The following FHOD1 variants were observed in gnomAD, a reference collection of about 807,000 sequenced individuals.
The protein encoded by FHOD1 is FH1/FH2 domain-containing protein 1.
A neutral mutation model predicts 111.6 loss-of-function variants in FHOD1; 89 were observed. That is an observed-to-expected ratio of 0.80 (90% confidence interval 0.67 to 0.95). FHOD1 has a LOEUF of 0.95. Ranked by LOEUF, FHOD1 falls within the 40% of genes least tolerant of loss-of-function variation. The pLI, the probability that FHOD1 is intolerant of heterozygous loss-of-function variation, is 0.00. For synonymous variants in FHOD1, 618 were observed against 639.0 expected (o/e 0.97, Z 0.50); for missense variants, 1,446 against 1,554.2 (o/e 0.93, Z 1.17).
At chr16:67,242,351 G>A (rs895379083) in intron 1 of FHOD1, among the ~76,000 whole-genome samples, 9 of 152,294 alleles carry the variant, frequency 5.9e-5, no homozygotes, top group Middle Eastern at 3.4e-3. Context: ...GAGGTCCAGG[G>A]AAACAGGTAG....
chr16:67,237,600 G>A lies in FHOD1; in HGVS notation c.755-31C>T, dbSNP rs755610504. On this transcript the variant is annotated intron_variant, in intron 7 of 21. Coordinates refer to ENST00000258201, the MANE Select transcript of FHOD1 (RefSeq NM_013241.3). This position sits in a 1 kb window ranked among gnomAD's most constrained non-coding sequence, Gnocchi z 5.6. Reference sequence around the variant, plus strand: ...ACACAGAAAGTGGAGCAGTCATGGGGGAACAGGTAGGAGAGAGGGCTCTGA... The same window carrying A: ...ACACAGAAAGTGGAGCAGTCATGGGAGAACAGGTAGGAGAGAGGGCTCTGA... 39 of 1,613,368 alleles carry A rather than the reference G, an allele frequency of 2.4e-5. 1 individual carries two copies. The highest frequency in any genetic ancestry group is 3.1e-5 in the Non-Finnish European group (37 of 1,179,358).
Position 67,231,427 on chromosome 16 carries a change from C to T in FHOD1, c.2505+3G>A, listed in dbSNP as rs2034266360. On this transcript the variant is annotated splice_donor_region_variant and intron_variant, in intron 16 of 21. Coordinates refer to ENST00000258201, the MANE Select transcript of FHOD1 (RefSeq NM_013241.3). The surrounding 1 kb of genome is among the most constrained non-coding windows in gnomAD (Gnocchi z 4.3). ...CCCCTAGTCCCCATGTACTCTCACT[C>T]ACCTGGGAGCCATTGAGGAAGTTGC... 12 of 1,614,058 alleles carry T rather than the reference C, an allele frequency of 7.4e-6. No individual in the cohort carries two copies. The highest frequency in any genetic ancestry group is 1.3e-5 in the African/African-American group (1 of 74,932).
Position 67,238,306 on chromosome 16 carries a change from T to G in FHOD1, c.443A>C (p.Glu148Ala). Reference protein sequence around the residue: ...SLFSLKQIFQEDKDLVPEFVH... With the variant: ...SLFSLKQIFQADKDLVPEFVH... ...AAATTCAGGCACCAGGTCTTTGTCC[T>G]CCTAGAGGCACCATGGGGGAGTTTA... The change falls in exon 5 of 22, where the codon GAG (glutamate) becomes GCG (alanine). Residue 148 changes from glutamate to alanine, a missense_variant and splice_region_variant. Glu to Ala is a moderately radical substitution (Grantham distance 107, BLOSUM62 -1). Transcript: ENST00000258201. The surrounding 1 kb of genome is among the most constrained non-coding windows in gnomAD (Gnocchi z 4.2). The G allele has an allele frequency of 6.2e-7, 1 of 1,614,082 alleles. No individual in the cohort carries two copies. The highest frequency in any genetic ancestry group is 8.5e-7 in the Non-Finnish European group (1 of 1,179,996).
chr16:67,229,512 C>A lies in FHOD1; in HGVS notation c.*124G>T. The A allele has an allele frequency of 1.2e-6, 1 of 832,662 alleles. No homozygotes were observed. The highest frequency in any genetic ancestry group is 2.1e-6 in the Non-Finnish European group (1 of 486,572). The allele number at this position is 832,662 out of a possible 1,614,324, so 51.6% of individuals were successfully genotyped here. On this transcript the variant is annotated 3_prime_UTR_variant, in exon 22 of 22. Transcript: ENST00000258201. Reference sequence around the variant, plus strand: ...CACATGCATACACACACGGCTAATACTGCTCAAGGCATGGCTCCTGGGCAC... The same window carrying A: ...CACATGCATACACACACGGCTAATAATGCTCAAGGCATGGCTCCTGGGCAC...
intron 2 of FHOD1, 115 bp downstream of exon 2, chr16:67,239,233 G>T (rs754626324): frequency 2.0e-5 from 17 of 860,264 alleles, no homozygotes; most frequent in Non-Finnish European, 3.3e-5. Flanking sequence ...CTTCCCTGGG[G>T]CAGGAGGTGA....
Position 67,236,546 on chromosome 16 carries a change from TCC to T in FHOD1, c.1319+9_1319+10del, listed in dbSNP as rs1298426930. ...AGAGGACTCCAGGGTGGCCTCTGTC[TCC>T]CTACTTACTTGTAGATGCTCCTCTC... On this transcript the variant is annotated intron_variant, in intron 11 of 21. Coordinates refer to ENST00000258201, the MANE Select transcript of FHOD1 (RefSeq NM_013241.3). 1.2e-6 allele frequency: 2 copies of T among 1,610,698 alleles called. No homozygotes were observed. Among genetic ancestry groups the T allele is most frequent in the Non-Finnish European group, 1.7e-6 (2 of 1,178,562 alleles).
chr16:67,232,334 G>A (rs2034311405), intron 13 of FHOD1, 140 bp from the exon 14 acceptor site: 12 of 730,416 alleles, frequency 1.6e-5, no homozygotes, highest in Non-Finnish European at 2.6e-5. Context: ...TGGCTAACAT[G>A]GTGAAACCCC....
rs778117155 is a variant in FHOD1, at chr16:67,238,988, T to A, written c.309-21A>T. ...CTTTGCTGGAATCAAGGATCTCTGT[T>A]AGCAGCTCCCAGCCTATCCCTCAGC... On this transcript the variant is annotated intron_variant, in intron 2 of 21. Transcript: ENST00000258201. This position sits in a 1 kb window ranked among gnomAD's most constrained non-coding sequence, Gnocchi z 4.2. The A allele has an allele frequency of 6.2e-7, 1 of 1,613,052 alleles. No homozygotes were observed. The highest frequency in any genetic ancestry group is 1.1e-5 in the South Asian group (1 of 91,064).
chr16:67,234,089 C>A lies in FHOD1; in HGVS notation c.1614G>T (p.Arg538Ser), dbSNP rs772681218. 6.2e-7 allele frequency: 1 copy of A among 1,604,206 alleles called. No individual in the cohort carries two copies. Among genetic ancestry groups the A allele is most frequent in the Admixed American group, 1.7e-5 (1 of 59,590 alleles). Residue 538 changes from arginine (R) to serine (S), a missense_variant, in exon 13 of 22, where the codon AGG (arginine) becomes AGT (serine). Physicochemically the swap from Arg to Ser is moderately radical, Grantham distance 110 (BLOSUM62 -1). This residue lies in a region of FHOD1 where 1,085 missense variants were observed against 1,108.8 expected (regional missense o/e 0.98). Coordinates refer to ENST00000258201, the MANE Select transcript of FHOD1 (RefSeq NM_013241.3). ...PIWELPTRAP[R>S]LSIGDLDFSD... ...AAAAGTCCAGGTCCCCAATAGAGAG[C>A]CTGGGTGCACGGGTAGGGAGCTCCC...
chr16:67,232,518 C>CAAAA (rs988902359), intron 13 of FHOD1, among the ~76,000 whole-genome samples: 4 of 48,588 alleles, frequency 8.2e-5, no homozygotes, highest in Non-Finnish European at 8.8e-5. Context: ...GACTCTGTCT[C>CAAAA]AAAAAAAAAA....
rs760881083 is a variant in FHOD1 at position 67,233,980 on chromosome 16, G to T, written c.1723C>A (p.Pro575Thr). 2.7e-5 allele frequency: 44 copies of T among 1,611,554 alleles called. No homozygotes were observed. The highest frequency in any genetic ancestry group is 3.7e-5 in the Non-Finnish European group (44 of 1,179,716). ...AGKDIPAPSPPLPLLSGVPPP... is the reference protein window; with the variant it reads ...AGKDIPAPSPTLPLLSGVPPP... ...GGTACTCCCGAGAGCAGGGGCAGTG[G>T]GGGTGAGGGAGCTGGGATGTCTTTC... Residue 575 changes from proline (P) to threonine (T), a missense_variant, in exon 13 of 22, where the codon CCA becomes ACA. Physicochemically the swap from Pro to Thr is conservative, Grantham distance 38 (BLOSUM62 -1). This residue lies in a region of FHOD1 where 1,085 missense variants were observed against 1,108.8 expected (regional missense o/e 0.98). Coordinates refer to ENST00000258201, the MANE Select transcript of FHOD1 (RefSeq NM_013241.3).
intron 17 of FHOD1, 136 bp from the exon 18 acceptor site, chr16:67,230,927 G>A: frequency 2.0e-6 from 2 of 979,472 alleles, no homozygotes; most frequent in Non-Finnish European, 3.0e-6. Flanking sequence ...ACTAGTGCAA[G>A]AGACACAAGT....
Position 67,247,176 on chromosome 16 carries a change from C to T in FHOD1, c.201+34G>A, listed in dbSNP as rs373955667. On this transcript the variant is annotated intron_variant, in intron 1 of 21. Coordinates refer to ENST00000258201, the MANE Select transcript of FHOD1 (RefSeq NM_013241.3). ...TTTTCATGGCGCCCACCCTGAACCC[C>T]CGATCGCCCCAACCTTTCTCCGGCC... The T allele has an allele frequency of 5.9e-4, 889 of 1,495,318 alleles. 8 individuals are homozygous for T. The African/African-American group carries it at 0.011, about 19-fold the overall frequency. 92.6% of individuals were successfully genotyped at this position (1,495,318 alleles called of 1,614,324 possible).
At chr16:67,240,179 T>C (rs2034626435) in intron 1 of FHOD1, among the ~76,000 whole-genome samples, 1 of 152,096 alleles carries the variant, frequency 6.6e-6, no homozygotes, top group Non-Finnish European at 1.5e-5. Context: ...CAAAGTGGGC[T>C]ACAGTTACAA....
Position 67,238,622 on chromosome 16 carries a change from G to T in FHOD1, c.374-175C>A, listed in dbSNP as rs2034580791. On this transcript the variant is annotated intron_variant, in intron 3 of 21. Coordinates refer to ENST00000258201, the MANE Select transcript of FHOD1 (RefSeq NM_013241.3). This position sits in a 1 kb window ranked among gnomAD's most constrained non-coding sequence, Gnocchi z 4.2. ...TGTGGAGTGCAGTGGCACAGTCATA[G>T]CTCACTGCAACCTCAAACTCCTAGC... 8.5e-6 allele frequency: 6 copies of T among 706,414 alleles called. No individual in the cohort carries two copies. In the Admixed American group the frequency reaches 8.8e-5, roughly 10 times the overall value. 43.8% of individuals were successfully genotyped at this position (706,414 alleles called of 1,614,324 possible). A position where few individuals can be genotyped will look rare whatever the true frequency, so the allele number is the denominator to read the frequency against.
intron 13 of FHOD1, 25 bp downstream of exon 13, chr16:67,233,632 C>A: frequency 6.4e-7 from 1 of 1,563,168 alleles, no homozygotes; most frequent in Non-Finnish European, 8.7e-7. Flanking sequence ...TCCCTTGGGG[C>A]TACCTTGCAG....
Position 67,237,226 on chromosome 16 carries a change from A to T in FHOD1, c.993+13T>A, listed in dbSNP as rs1266653729. The T allele has an allele frequency of 3.1e-6, 5 of 1,611,246 alleles. No homozygotes were observed. The Admixed American group carries it at 6.7e-5, about 22-fold the overall frequency. ...TCTTTCCAATCCGCCTCAGAGCGTA[A>T]GGCCCGGCCCACCTCGTAGAGCACA... On this transcript the variant is annotated intron_variant, in intron 9 of 21. Transcript: ENST00000258201. This position sits in a 1 kb window ranked among gnomAD's most constrained non-coding sequence, Gnocchi z 5.6.
chr16:67,243,700 G>A (rs1228536527), intron 1 of FHOD1, among the ~76,000 whole-genome samples: 2 of 152,172 alleles, frequency 1.3e-5, no homozygotes, highest in Admixed American at 1.3e-4. Flanking sequence ...GAGGGCTGGG[G>A]CCAGAAGGAT....
Position 67,231,168 on chromosome 16 carries a change from T to A in FHOD1, c.2667+20A>T, listed in dbSNP as rs1483779555. 1 of 1,613,148 alleles carries A rather than the reference T, an allele frequency of 6.2e-7. No individual in the cohort carries two copies. The highest frequency in any genetic ancestry group is 2.2e-5 in the East Asian group (1 of 44,882). On this transcript the variant is annotated intron_variant, in intron 17 of 21. Coordinates refer to ENST00000258201, the MANE Select transcript of FHOD1 (RefSeq NM_013241.3). This position sits in a 1 kb window ranked among gnomAD's most constrained non-coding sequence, Gnocchi z 4.3. ...TCCTCATGCCTTGTCCGGCCTTGGT[T>A]GATTCTGGCAGGTGCTAACCTTGGC...
Sources: allele counts gnomAD v4.1 joint callset (sites outside exome capture counted in the v4.1 genomes callset), GRCh38; gene constraint gnomAD v4.1.1; regional missense constraint gnomAD v4.1.1; non-coding constraint Gnocchi (gnomAD v3.1); transcripts MANE v1.5; gene names NCBI Gene and HGNC (gene_info 2026-07-23, HGNC 2026-07-21).